KMT2A: variants seen among roughly 807,000 people sequenced by gnomAD.
KMT2A encodes the protein histone-lysine N-methyltransferase 2A.
Under a neutral mutation model 345.3 loss-of-function variants are expected in KMT2A, and 16 were observed. The ratio of observed to expected loss-of-function variants is 0.05; its 90% CI spans 0.03 to 0.07. The LOEUF is 0.07. Among genes scored for constraint, KMT2A ranks in the 10% least tolerant of loss-of-function variants. The pLI, the probability that KMT2A is intolerant of heterozygous loss-of-function variation, is 1.00. For synonymous variants in KMT2A, 1,599 were observed against 1,778.6 expected, an observed-to-expected ratio of 0.90 and a Z score of 2.54; for missense variants, 3,272 against 4,841.6, an observed-to-expected ratio of 0.68 and a Z score of 9.62.
Position 118,490,842 on chromosome 11 carries a change from T to G in KMT2A, c.4697-354T>G, listed in dbSNP as rs1229960125. 5.3e-5 allele frequency among the ~76,000 whole-genome samples: 8 copies of G among 152,222 alleles called. No individual in the cohort carries two copies. Among genetic ancestry groups the G allele is most frequent in the Admixed American group, 5.2e-4 (8 of 15,286 alleles). ...AAAGCTTACATGTACTGTTTCTGAC[T>G]TCCATATTGCCACTTCTTTTAAATA... On this transcript the variant is annotated intron_variant, in intron 13 of 35. Transcript: ENST00000534358. This position sits in a 1 kb window ranked among gnomAD's most constrained non-coding sequence, Gnocchi z 4.2.
rs541288439 is a variant in KMT2A, at chr11:118,452,436, A to G, written c.432+15492A>G. Reference sequence around the variant, plus strand: ...AGTCCCAGCTCCTCAGGAGACTGAGATGGGAGCATCACTTAAGCCCAGGAA... The same window carrying G: ...AGTCCCAGCTCCTCAGGAGACTGAGGTGGGAGCATCACTTAAGCCCAGGAA... On this transcript the variant is annotated intron_variant, in intron 1 of 35. Coordinates refer to ENST00000534358, the MANE Select transcript of KMT2A (RefSeq NM_001197104.2). Among the ~76,000 whole-genome samples, 497 of 152,196 alleles carry G rather than the reference A, an allele frequency of 3.3e-3. 6 individuals are homozygous for G. The highest frequency in any genetic ancestry group is 5.6e-3 in the Admixed American group (86 of 15,294).
chr11:118,465,703 A>C (rs1343228225), intron 1 of KMT2A, among the ~76,000 whole-genome samples: 4 of 152,104 alleles, frequency 2.6e-5, no homozygotes, highest in Admixed American at 2.6e-4. Context: ...CCCCCTCTAC[A>C]ATTATAATAT....
Position 118,468,830 on chromosome 11 carries a change from C to T in KMT2A, c.488C>T (p.Thr163Ile). ...SDEEVRVRSP[T>I]RSPSVKTSPR... is the part of the protein sequence containing the mutation. ...GAAGAAGTCAGAGTGCGAAGTCCCA[C>T]AAGGTCTCCTTCAGGTACGGCCAAT... The change falls in exon 2 of 36, where the codon ACA becomes ATA. Residue 163 changes from threonine to isoleucine, a missense_variant. Thr to Ile is a moderately conservative substitution (Grantham distance 89). Transcript: ENST00000534358. The T allele has an allele frequency of 6.2e-7, 1 of 1,613,160 alleles. No homozygotes were observed. Among genetic ancestry groups the T allele is most frequent in the Non-Finnish European group, 8.5e-7 (1 of 1,179,282 alleles).
At chr11:118,488,865 T>C in intron 11 of KMT2A, 105 bp downstream of exon 11, 1 of 964,264 alleles carries the variant, frequency 1.0e-6, no homozygotes, top group Admixed American at 2.5e-5. Flanking sequence ...AAAAAATGAG[T>C]AGTTGCCTCT....
In KMT2A at chr11:118,493,294, G is replaced by T. The variant is rs1183304869; in HGVS notation, c.5178+64G>T. 8 of 1,328,992 alleles carry T rather than the reference G, an allele frequency of 6.0e-6. No homozygotes were observed. Among genetic ancestry groups the T allele is most frequent in the Non-Finnish European group, 8.5e-6 (8 of 942,906 alleles). 82.3% of individuals were successfully genotyped at this position (1,328,992 alleles called of 1,614,324 possible). A position where few individuals can be genotyped will look rare whatever the true frequency, so the allele number is the denominator to read the frequency against. ...AATAAAGCTTCTTTGGACCTTTGGG[G>T]CATGAAACTGAGTATAAGTAAATTT... On this transcript the variant is annotated intron_variant, in intron 16 of 35. Transcript: ENST00000534358. This position sits in a 1 kb window ranked among gnomAD's most constrained non-coding sequence, Gnocchi z 5.8.
chr11:118,470,895 C>A (rs1949931399), intron 2 of KMT2A, among the ~76,000 whole-genome samples: 5 of 152,130 alleles, frequency 3.3e-5, no homozygotes. Flanking sequence ...TGGCAAATTC[C>A]TTTTATTTAG....
chr11:118,486,762 A>G (rs1950237257), intron 10 of KMT2A, among the ~76,000 whole-genome samples: 2 of 151,424 alleles, frequency 1.3e-5, no homozygotes, highest in Admixed American at 1.3e-4. Context: ...AGTCCCAGCT[A>G]CTCTAGTCCC....
In KMT2A at chr11:118,490,375, T is replaced by C; in HGVS notation, c.4696+126T>C. On this transcript the variant is annotated intron_variant, in intron 13 of 35. Transcript: ENST00000534358. The surrounding 1 kb of genome is among the most constrained non-coding windows in gnomAD (Gnocchi z 4.2). ...ATGTCAAGGATACCATTTAGACACA[T>C]TTCCTAAGTTCCTGTTTAGAACTTA... 1 of 1,032,566 alleles carries C rather than the reference T, an allele frequency of 9.7e-7. No homozygotes were observed. Among genetic ancestry groups the C allele is most frequent in the Non-Finnish European group, 1.3e-6 (1 of 747,264 alleles). The allele number at this position is 1,032,566 out of a possible 1,614,324, so 64.0% of individuals were successfully genotyped here.
At chr11:118,483,277 A>G (rs1424458833) in intron 8 of KMT2A, among the ~76,000 whole-genome samples, 72 of 149,438 alleles carry the variant, frequency 4.8e-4, no homozygotes, top group Non-Finnish European at 8.3e-4. Flanking sequence ...TCACGCCTGT[A>G]ATCCCAGCAC....
rs11430367 is a variant in KMT2A at position 118,477,498 on chromosome 11, C to CTTTTTTTTTTTTTTTTTTTTT, written c.3335-462_3335-442dup. The stretch of plus-strand genomic sequence containing the variant: ...CTTTCATCAAGATGCAAGTTATTGG[C>CTTTTTTTTTTTTTTTTTTTTT]TTTTTTTTTTTTTTTTTTTTTTTTT... On this transcript the variant is annotated intron_variant, in intron 4 of 35. Transcript: ENST00000534358. Among the ~76,000 whole-genome samples the CTTTTTTTTTTTTTTTTTTTTT allele has an allele frequency of 1.6e-4, 9 of 56,944 alleles. 3 individuals carry two copies. The highest frequency in any genetic ancestry group is 4.6e-4 in the African/African-American group (6 of 12,984). 37.4% of individuals were successfully genotyped at this position (56,944 alleles called of 152,430 possible).
At chr11:118,462,074 C>T (rs1318660347) in intron 1 of KMT2A, among the ~76,000 whole-genome samples, 3 of 152,188 alleles carry the variant, frequency 2.0e-5, no homozygotes, top group Non-Finnish European at 4.4e-5. Flanking sequence ...GTGCCTCAGC[C>T]TCCCGAGTAG....
chr11:118,480,305 C>A, intron 6 of KMT2A, 67 bp downstream of exon 6: 7 of 1,171,330 alleles, frequency 6.0e-6, no homozygotes, highest in Non-Finnish European at 8.8e-6. Flanking sequence ...TGTATACACC[C>A]AGTAGAAGAG....
intron 30 of KMT2A, among the ~76,000 whole-genome samples, chr11:118,511,323 C>A (rs1555050027): frequency 1.3e-5 from 2 of 151,730 alleles, no homozygotes; most frequent in East Asian, 1.9e-4. Context: ...CAAAGATGAC[C>A]CTAAAGATTC....
chr11:118,488,698 A>G lies in KMT2A; in HGVS notation c.4417A>G (p.Asn1473Asp). ...GCGCCCTCTGGAGGACCAGCTGGAAAATTGGTGTTGTCGTCGTTGCAAATT... is the reference window on the plus strand; with the variant it reads ...GCGCCCTCTGGAGGACCAGCTGGAAGATTGGTGTTGTCGTCGTTGCAAATT... Reference protein sequence around the residue: ...NERPLEDQLENWCCRRCKFCH... With the variant: ...NERPLEDQLEDWCCRRCKFCH... Residue 1473 changes from asparagine to aspartate, a missense_variant, in exon 11 of 36, where the codon AAT becomes GAT. Physicochemically the swap from Asn to Asp is conservative, Grantham distance 23. Transcript: ENST00000534358. 6.2e-7 allele frequency: 1 copy of G among 1,614,140 alleles called. No homozygotes were observed. The highest frequency in any genetic ancestry group is 8.5e-7 in the Non-Finnish European group (1 of 1,180,002).
Position 118,504,496 on chromosome 11 carries a change from G to C in KMT2A, c.8604G>C (p.Glu2868Asp), listed in dbSNP as rs1950550388. 6 of 1,614,082 alleles carry C rather than the reference G, an allele frequency of 3.7e-6. No homozygotes were observed. The South Asian group carries it at 4.4e-5, about 12-fold the overall frequency. Residue 2868 changes from glutamate to aspartate, a missense_variant, in exon 27 of 36, where the codon GAG becomes GAC. Physicochemically the swap from Glu to Asp is conservative, Grantham distance 45. Coordinates refer to ENST00000534358, the MANE Select transcript of KMT2A (RefSeq NM_001197104.2). The surrounding 1 kb of genome is among the most constrained non-coding windows in gnomAD (Gnocchi z 6.4). ...KNTPSMQALG[E>D]SPESSSSELL... is the part of the protein sequence containing the mutation. ...CTCCATCCATGCAGGCTTTGGGTGA[G>C]AGCCCAGAGTCATCTTCATCAGAAC...
intron 1 of KMT2A, chr11:118,447,673 A>G (rs1555027559): frequency 2.2e-6 from 1 of 451,698 alleles, no homozygotes; most frequent in Non-Finnish European, 4.4e-6. Context: ...GGTTCTGAGG[A>G]GACTCAAAAG....
In KMT2A at chr11:118,523,137, T is replaced by G. The variant is rs546038469; in HGVS notation, c.*965T>G. 19 of 225,970 alleles carry G rather than the reference T, an allele frequency of 8.4e-5. No individual in the cohort carries two copies. The highest frequency in any genetic ancestry group is 6.8e-4 in the Admixed American group (12 of 17,526). 14.0% of individuals were successfully genotyped at this position (225,970 alleles called of 1,614,324 possible). A position where few individuals can be genotyped will look rare whatever the true frequency, so the allele number is the denominator to read the frequency against. On this transcript the variant is annotated 3_prime_UTR_variant, in exon 36 of 36. Coordinates refer to ENST00000534358, the MANE Select transcript of KMT2A (RefSeq NM_001197104.2). ...TTTTAAAGAAACATATGTAGCATGA[T>G]TTTGTAGGAGAGGAAAAAGATTATT...
intron 1 of KMT2A, chr11:118,447,715 G>C (rs947293550): frequency 2.3e-6 from 1 of 436,566 alleles, no homozygotes. Flanking sequence ...AGTCCTATGA[G>C]GAAAGGTTGA....
At chr11:118,483,965 TAGGCTGCAGTG>T (rs1272160557) in intron 8 of KMT2A, among the ~76,000 whole-genome samples, 1 of 152,114 alleles carries the variant, frequency 6.6e-6, no homozygotes, top group African/African-American at 2.4e-5. Flanking sequence ...CCACAAGGTC[TAGGCTGCAGTG>T]AGCTGTGACT....
Sources: gnomAD v4.1 joint callset for allele counts (sites outside exome capture counted in the v4.1 genomes callset) on GRCh38, gnomAD v4.1.1 for gene constraint, Gnocchi (gnomAD v3.1) non-coding constraint, MANE v1.5 for transcripts, NCBI Gene and HGNC (gene_info 2026-07-23, HGNC 2026-07-21) for gene names.